The following CDK14 variants were observed in gnomAD, a reference collection of about 807,000 sequenced individuals.
CDK14 encodes cyclin dependent kinase 14.
CDK14 carries 34 observed loss-of-function variants against 60.7 expected under a neutral mutation model. That is an observed-to-expected ratio of 0.56 (90% CI 0.43 to 0.75). The LOEUF (loss-of-function observed/expected upper bound fraction) is 0.75. Ranked by LOEUF, CDK14 falls within the 30% of genes least tolerant of loss-of-function variation. The probability of loss-of-function intolerance (pLI) is 0.00; values close to 1 mark genes in which losing one functional copy is unlikely to be tolerated. For missense variants in CDK14, 482 were observed against 564.1 expected (o/e 0.85, Z 1.47); for synonymous variants, 197 against 203.7 (o/e 0.97, Z 0.28).
At chr7:90,783,221 A>G (rs1805420071) in intron 4 of CDK14, among the ~76,000 whole-genome samples, 1 of 152,166 alleles carries the variant, frequency 6.6e-6, no homozygotes, top group African/African-American at 2.4e-5. Flanking sequence ...TTGTTGATTG[A>G]ATATGCCCTT....
chr7:91,041,069 C>A (rs957967080), intron 10 of CDK14, among the ~76,000 whole-genome samples: 17 of 152,278 alleles, frequency 1.1e-4, no homozygotes, highest in Admixed American at 1.0e-3. Context: ...CTGGGCCACA[C>A]CTGCCAGGGC....
chr7:90,641,484 C>G (rs1444884173), intron 2 of CDK14, among the ~76,000 whole-genome samples: 1 of 152,084 alleles, frequency 6.6e-6, no homozygotes, highest in Non-Finnish European at 1.5e-5. Flanking sequence ...CATGAGTGAA[C>G]TTTGATAACA....
At chr7:91,055,090 C>T (rs919779502) in intron 11 of CDK14, among the ~76,000 whole-genome samples, 3 of 152,234 alleles carry the variant, frequency 2.0e-5, no homozygotes, top group South Asian at 2.1e-4. Flanking sequence ...TCTATAAAAG[C>T]GAGTACTAAC....
chr7:90,708,295 A>C (rs1008117776), intron 2 of CDK14, among the ~76,000 whole-genome samples: 3 of 152,154 alleles, frequency 2.0e-5, no homozygotes, highest in Admixed American at 2.0e-4. Context: ...TGAATGACTC[A>C]AATAAGAAGT....
intron 9 of CDK14, among the ~76,000 whole-genome samples, chr7:90,963,638 A>G (rs936280436): frequency 2.0e-5 from 3 of 151,650 alleles, no homozygotes; most frequent in African/African-American, 7.3e-5. Context: ...TATGTGCCGT[A>G]ATAAATTATG....
chr7:90,957,571 G>A (rs1794468105), intron 9 of CDK14, among the ~76,000 whole-genome samples: 1 of 151,822 alleles, frequency 6.6e-6, no homozygotes, highest in Admixed American at 6.6e-5. Context: ...GACAAACAGA[G>A]AGCCAAATCA....
intron 4 of CDK14, among the ~76,000 whole-genome samples, chr7:90,788,817 A>G (rs1805707582): frequency 6.6e-6 from 1 of 152,206 alleles, no homozygotes; most frequent in African/African-American, 2.4e-5. Flanking sequence ...CTCCTTTGCT[A>G]GTTCTTTAAC....
chr7:91,187,253 A>T (rs1236627273), intron 14 of CDK14, among the ~76,000 whole-genome samples: 2 of 152,184 alleles, frequency 1.3e-5, no homozygotes, highest in Non-Finnish European at 2.9e-5. Context: ...GTCAAGACCC[A>T]TGGGAATCAG....
At chr7:91,199,031 G>A (rs1802636367) in intron 14 of CDK14, among the ~76,000 whole-genome samples, 1 of 152,134 alleles carries the variant, frequency 6.6e-6, no homozygotes, top group Admixed American at 6.6e-5. Context: ...TATTTGGTTT[G>A]TTTAAATATA....
At chr7:91,008,127 C>CAAAAAAAAAAAAA (rs56082719) in intron 10 of CDK14, among the ~76,000 whole-genome samples, 11 of 62,584 alleles carry the variant, frequency 1.8e-4, no homozygotes, top group Middle Eastern at 0.016. Flanking sequence ...GGGAGAAGGC[C>CAAAAAAAAAAAAA]AAAAAAAAAA....
In CDK14 at chr7:91,052,015, T is replaced by C. The variant is rs539237245; in HGVS notation, c.1105+6055T>C. On this transcript the variant is annotated intron_variant, in intron 11 of 14. Transcript: ENST00000380050. Reference sequence around the variant, plus strand: ...ACCCCAGATCAGGGCGGAATACACGTAGACATTTGAGGTTCTCCAGACCAG... The same window carrying C: ...ACCCCAGATCAGGGCGGAATACACGCAGACATTTGAGGTTCTCCAGACCAG... Among the ~76,000 whole-genome samples, 3 of 152,336 alleles carry C rather than the reference T, an allele frequency of 2.0e-5. No homozygotes were observed. The South Asian group carries it at 6.2e-4, about 32-fold the overall frequency.
In CDK14 at chr7:90,955,702, G is replaced by A. The variant is rs1194426506; in HGVS notation, c.832G>A (p.Ala278Thr). 1.2e-6 allele frequency: 2 copies of A among 1,613,180 alleles called. No individual in the cohort carries two copies. Residue 278 changes from alanine (A) to threonine (T), a missense_variant, in exon 9 of 15, where the codon GCA becomes ACA. Coordinates refer to ENST00000380050, the MANE Select transcript of CDK14 (RefSeq NM_001287135.2). ...GELKLADFGL[A>T]RAKSVPSHTY... ...ATGTTTCATATAACCCACAGGTCTT[G>A]CAAGAGCAAAATCCGTCCCTAGCCA...
intron 14 of CDK14, among the ~76,000 whole-genome samples, chr7:91,190,963 T>C (rs1802343111): frequency 6.6e-6 from 1 of 152,078 alleles, no homozygotes; most frequent in African/African-American, 2.4e-5. Flanking sequence ...ATGATTTGGG[T>C]CTCATACGTG....
chr7:90,739,716 A>ATT (rs1460771143), intron 3 of CDK14, among the ~76,000 whole-genome samples: 2 of 152,168 alleles, frequency 1.3e-5, no homozygotes, highest in Non-Finnish European at 2.9e-5. Flanking sequence ...CTTAGATTGC[A>ATT]TTCATTCTTA....
At position 91,058,200 on chromosome 7, in the gene CDK14, T is replaced by C. The variant is rs898063875; in HGVS notation, c.1105+12240T>C. ...ATGGGAGTTCACTCATGATTTGGCT[T>C]TCTGTTTGTCTGTTGTTGGTGTATA... On this transcript the variant is annotated intron_variant, in intron 11 of 14. Transcript: ENST00000380050. Among the ~76,000 whole-genome samples, 18 of 151,994 alleles carry C rather than the reference T, an allele frequency of 1.2e-4. 1 individual carries two copies. The highest frequency in any genetic ancestry group is 3.9e-4 in the African/African-American group (16 of 41,330).
At chr7:90,667,475 G>A (rs1801006311) in intron 2 of CDK14, among the ~76,000 whole-genome samples, 1 of 151,828 alleles carries the variant, frequency 6.6e-6, no homozygotes, top group Non-Finnish European at 1.5e-5. Context: ...TCTGCATTTG[G>A]ATTTTGCCTC....
At chr7:91,181,618 CT>C (rs954902775) in intron 14 of CDK14, among the ~76,000 whole-genome samples, 1 of 152,040 alleles carries the variant, frequency 6.6e-6, no homozygotes. Context: ...CCTGGGGAAT[CT>C]TTTTTATAGA....
intron 2 of CDK14, among the ~76,000 whole-genome samples, chr7:90,644,037 G>T (rs1343228515): frequency 5.3e-5 from 8 of 152,124 alleles, no homozygotes; most frequent in Admixed American, 2.6e-4. Flanking sequence ...TAAGAGTAGG[G>T]CCCTGATCTA....
At chr7:91,149,914 G>A (rs1800782894) in intron 14 of CDK14, among the ~76,000 whole-genome samples, 1 of 152,206 alleles carries the variant, frequency 6.6e-6, no homozygotes, top group African/African-American at 2.4e-5. Context: ...TTGCGATGTA[G>A]TGATTTCACG....
Sources: gnomAD v4.1 joint callset for allele counts (sites outside exome capture counted in the v4.1 genomes callset) on GRCh38, gnomAD v4.1.1 for gene constraint, MANE v1.5 for transcripts, NCBI Gene and HGNC (gene_info 2026-07-23, HGNC 2026-07-21) for gene names.